ZNF566: variants seen among roughly 807,000 people sequenced by gnomAD.
The protein encoded by ZNF566 is zinc finger protein 566.
ZNF566 carries 27 observed loss-of-function variants against 32.8 expected under a neutral mutation model. The observed-to-expected ratio is 0.82, with a 90% CI of 0.61 to 1.14. The LOEUF is 1.14. Ranked by LOEUF, ZNF566 falls within the 50% of genes most tolerant of loss-of-function variation. ZNF566 has a pLI of 0.00. For missense variants in ZNF566, 402 were observed against 490.4 expected, an observed-to-expected ratio of 0.82 and a Z score of 1.70; for synonymous variants, 154 against 159.5, an observed-to-expected ratio of 0.97 and a Z score of 0.26.
chr19:36,450,551 C>T (rs907453166), intron 4 of ZNF566, among the ~76,000 whole-genome samples: 2 of 151,898 alleles, frequency 1.3e-5, no homozygotes, highest in African/African-American at 2.4e-5. Flanking sequence ...GGCCGAGGCA[C>T]GAGAATTGCT....
At chr19:36,464,495 C>T (rs1490924837) in intron 4 of ZNF566, among the ~76,000 whole-genome samples, 3 of 151,924 alleles carry the variant, frequency 2.0e-5, no homozygotes, top group Admixed American at 1.3e-4. Context: ...TGATCTCCAT[C>T]TCATACTATT....
In ZNF566 at chr19:36,447,344, A is replaced by G. The variant is rs1015200514; in HGVS notation, c.*1633T>C. ...ATATAACTGAAATAGTTCCTTGAACATTTGATAAAGTTTTCCTTAGAAAGA... is the reference window on the plus strand; with the variant it reads ...ATATAACTGAAATAGTTCCTTGAACGTTTGATAAAGTTTTCCTTAGAAAGA... On this transcript the variant is annotated 3_prime_UTR_variant, in exon 5 of 5. Coordinates refer to ENST00000452939, the MANE Select transcript of ZNF566 (RefSeq NM_001145344.1). 1.3e-5 allele frequency: 2 copies of G among 152,166 alleles called. No individual in the cohort carries two copies. Among genetic ancestry groups the G allele is most frequent in the African/African-American group, 4.8e-5 (2 of 41,442 alleles). 9.4% of individuals were successfully genotyped at this position (152,166 alleles called of 1,614,324 possible).
intron 4 of ZNF566, 101 bp from the exon 5 acceptor site, chr19:36,450,102 G>T: frequency 2.1e-6 from 2 of 935,266 alleles, no homozygotes; most frequent in Non-Finnish European, 3.2e-6. Context: ...TTTTACAAAT[G>T]GATGAGGAAA....
chr19:36,453,509 T>TAAATAAATAAATA (rs1568510984), intron 4 of ZNF566, among the ~76,000 whole-genome samples: 1 of 97,010 alleles, frequency 1.0e-5, no homozygotes, highest in African/African-American at 4.0e-5. Context: ...ATAAATAAAT[T>TAAATAAATAAATA]AATTAATTAA....
At chr19:36,487,971 G>A (rs2034213132) in intron 1 of ZNF566, among the ~76,000 whole-genome samples, 1 of 151,940 alleles carries the variant, frequency 6.6e-6, no homozygotes. Flanking sequence ...GATTGTGTGG[G>A]GGAGAAATTA....
In ZNF566 at chr19:36,446,316, C is replaced by G. The variant is rs933925352; in HGVS notation, c.*2661G>C. ...ACAGATTTTTTGAGACTCTGTCATG[C>G]AGGCTGGAGTGCAGTCAGGATCTCA... On this transcript the variant is annotated 3_prime_UTR_variant, in exon 5 of 5. Coordinates refer to ENST00000452939, the MANE Select transcript of ZNF566 (RefSeq NM_001145344.1). The G allele has an allele frequency of 2.1e-5, 3 of 145,006 alleles. No individual in the cohort carries two copies. The highest frequency in any genetic ancestry group is 4.5e-5 in the Non-Finnish European group (3 of 67,106). 9.0% of individuals were successfully genotyped at this position (145,006 alleles called of 1,614,324 possible). A position where few individuals can be genotyped will look rare whatever the true frequency, so the allele number is the denominator to read the frequency against.
intron 1 of ZNF566, among the ~76,000 whole-genome samples, chr19:36,476,917 A>G (rs549375668): frequency 6.6e-6 from 1 of 152,268 alleles, no homozygotes; most frequent in South Asian, 2.1e-4. Flanking sequence ...TTTACTTTAC[A>G]TATCTTGGAA....
intron 4 of ZNF566, among the ~76,000 whole-genome samples, chr19:36,461,990 G>GTTTTTT (rs34181356): frequency 7.2e-6 from 1 of 138,664 alleles, no homozygotes; most frequent in Non-Finnish European, 1.6e-5. Context: ...TGAACTTTGG[G>GTTTTTT]TTTTTTTTTT....
At chr19:36,481,328 G>T (rs1463082078) in intron 1 of ZNF566, among the ~76,000 whole-genome samples, 8 of 151,760 alleles carry the variant, frequency 5.3e-5, no homozygotes, top group African/African-American at 1.7e-4. Context: ...AAAATTAGCT[G>T]GGCGTGGCGG....
intron 4 of ZNF566, among the ~76,000 whole-genome samples, chr19:36,458,914 C>T (rs1015335829): frequency 2.0e-5 from 3 of 152,138 alleles, no homozygotes; most frequent in South Asian, 4.1e-4. Flanking sequence ...AGTGCAATGG[C>T]GCGATCTTGG....
chr19:36,462,046 T>C (rs1390647263), intron 4 of ZNF566, among the ~76,000 whole-genome samples: 2 of 149,374 alleles, frequency 1.3e-5, no homozygotes, highest in Non-Finnish European at 3.0e-5. Context: ...TGGAGTGCAA[T>C]GGCATGATCT....
intron 4 of ZNF566, among the ~76,000 whole-genome samples, chr19:36,460,579 G>T (rs918037464): frequency 2.7e-4 from 41 of 152,106 alleles, no homozygotes; most frequent in African/African-American, 9.7e-4. Flanking sequence ...AACAAGAAAA[G>T]ATTTAACATT....
chr19:36,488,075 C>T (rs1041318294), intron 1 of ZNF566, among the ~76,000 whole-genome samples: 1 of 151,942 alleles, frequency 6.6e-6, no homozygotes, highest in Admixed American at 6.6e-5. Flanking sequence ...AAGATTTGCA[C>T]ACTTTATATA....
chr19:36,446,900 T>G lies in ZNF566; in HGVS notation c.*2077A>C, dbSNP rs2033007953. 6.6e-6 allele frequency: 1 copy of G among 152,144 alleles called. No individual in the cohort carries two copies. The highest frequency in any genetic ancestry group is 2.1e-4 in the South Asian group (1 of 4,832). The allele number at this position is 152,144 out of a possible 1,614,324, so 9.4% of individuals were successfully genotyped here. On this transcript the variant is annotated 3_prime_UTR_variant, in exon 5 of 5. Transcript: ENST00000452939. ...AAATAACAGTTCTACAGACATAAAC[T>G]TCATCCTTCCACATATGCGATCTGT...
intron 4 of ZNF566, among the ~76,000 whole-genome samples, chr19:36,455,717 G>T (rs1373783825): frequency 1.3e-5 from 2 of 151,886 alleles, no homozygotes; most frequent in South Asian, 4.1e-4. Context: ...TCCAGCCTGG[G>T]TGACAGAGCG....
At chr19:36,455,146 T>A (rs2145644081) in intron 4 of ZNF566, among the ~76,000 whole-genome samples, 1 of 152,316 alleles carries the variant, frequency 6.6e-6, no homozygotes, top group African/African-American at 2.4e-5. Flanking sequence ...GAAAGTCATC[T>A]TACAAAATTC....
chr19:36,480,940 G>A (rs2034014013), intron 1 of ZNF566, among the ~76,000 whole-genome samples: 1 of 151,988 alleles, frequency 6.6e-6, no homozygotes, highest in African/African-American at 2.4e-5. Context: ...CTACTCAGGA[G>A]GCTGAGGCAG....
chr19:36,477,526 G>GGTTTTT (rs2033919341), intron 1 of ZNF566, among the ~76,000 whole-genome samples: 5 of 107,002 alleles, frequency 4.7e-5, no homozygotes, highest in Admixed American at 8.9e-5. Context: ...TTCTGTTTCT[G>GGTTTTT]TTTTTTTTTT....
At chr19:36,470,621 T>A (rs2033737794) in intron 4 of ZNF566, among the ~76,000 whole-genome samples, 1 of 152,064 alleles carries the variant, frequency 6.6e-6, no homozygotes, top group Non-Finnish European at 1.5e-5. Context: ...AAATATATGT[T>A]GCATCAAGGA....
Sources: gnomAD v4.1 joint callset for allele counts (sites outside exome capture counted in the v4.1 genomes callset) on GRCh38, gnomAD v4.1.1 for gene constraint, MANE v1.5 for transcripts, NCBI Gene and HGNC (gene_info 2026-07-23, HGNC 2026-07-21) for gene names.